THADA: variants seen among roughly 807,000 people sequenced by gnomAD.
The protein encoded by THADA is tRNA (32-2'-O)-methyltransferase regulator THADA.
THADA carries 213 observed loss-of-function variants against 219.8 expected under a neutral mutation model. The ratio of observed to expected loss-of-function variants is 0.97; its 90% CI spans 0.87 to 1.09. The LOEUF (loss-of-function observed/expected upper bound fraction) is 1.09. THADA is among the 50% of genes least tolerant of loss of function. THADA has a pLI of 0.00. For missense variants in THADA, 2,956 were observed against 2,311.3 expected (o/e 1.28, Z -5.72); for synonymous variants, 1,018 against 828.9 (o/e 1.23, Z -3.92).
At chr2:43,366,283 T>C (rs995058415) in intron 29 of THADA, among the ~76,000 whole-genome samples, 3 of 152,208 alleles carry the variant, frequency 2.0e-5, no homozygotes, top group African/African-American at 7.2e-5. Context: ...TAAAAATTAC[T>C]GTCTAATGAA....
chr2:43,272,412 G>A (rs2104274656), intron 36 of THADA, among the ~76,000 whole-genome samples: 1 of 152,328 alleles, frequency 6.6e-6, no homozygotes. Context: ...AGTCTGGGGA[G>A]AGATGGTGGT....
At chr2:43,477,270 A>T (rs889237299) in intron 26 of THADA, among the ~76,000 whole-genome samples, 1 of 152,022 alleles carries the variant, frequency 6.6e-6, no homozygotes, top group African/African-American at 2.4e-5. Context: ...GAGAGAAGGG[A>T]AGAGAGAGAA....
At chr2:43,243,497 C>T (rs6727868) in intron 36 of THADA, among the ~76,000 whole-genome samples, 34 of 152,160 alleles carry the variant, frequency 2.2e-4, no homozygotes, top group African/African-American at 7.5e-4. Flanking sequence ...CCTTCGTGAA[C>T]GTCTCTGTGA....
At chr2:43,511,970 C>T (rs1026251643) in intron 22 of THADA, among the ~76,000 whole-genome samples, 3 of 152,088 alleles carry the variant, frequency 2.0e-5, no homozygotes, top group African/African-American at 7.2e-5. Context: ...AGAGGCAATT[C>T]CCTAATTTAA....
intron 8 of THADA, among the ~76,000 whole-genome samples, chr2:43,580,207 T>A (rs1259757919): frequency 6.6e-6 from 1 of 151,630 alleles, no homozygotes; most frequent in East Asian, 2.0e-4. Flanking sequence ...TTTTTTGTAT[T>A]TTAGTTTTTT....
At chr2:43,473,085 T>G (rs187461343) in intron 26 of THADA, among the ~76,000 whole-genome samples, 2 of 152,292 alleles carry the variant, frequency 1.3e-5, no homozygotes, top group African/African-American at 2.4e-5. Flanking sequence ...CTACACTAAA[T>G]TGATTTAAAA....
chr2:43,416,847 T>A (rs1677045823), intron 28 of THADA, among the ~76,000 whole-genome samples: 1 of 152,228 alleles, frequency 6.6e-6, no homozygotes, highest in Non-Finnish European at 1.5e-5. Flanking sequence ...ACTTATCCAT[T>A]AAAGCAGTTT....
chr2:43,495,124 T>G (rs974787586), intron 25 of THADA, among the ~76,000 whole-genome samples: 2 of 152,186 alleles, frequency 1.3e-5, no homozygotes, highest in African/African-American at 4.8e-5. Context: ...TTAAAATCAC[T>G]TCAACAGAGA....
Position 43,505,751 on chromosome 2 carries a change from G to A in THADA, c.3508-16C>T, listed in dbSNP as rs763848089. The A allele has an allele frequency of 4.9e-5, 76 of 1,539,808 alleles. No homozygotes were observed. Among genetic ancestry groups the A allele is most frequent in the Non-Finnish European group, 5.5e-5 (62 of 1,131,234 alleles). On this transcript the variant is annotated splice_polypyrimidine_tract_variant and intron_variant, in intron 23 of 37. Coordinates refer to ENST00000405975, the MANE Select transcript of THADA (RefSeq NM_022065.5). ...CCAACAGTGCCTATGGAAAAAGAAT[G>A]CAAAAATTAACAGGGTTCTTAGTTT...
At chr2:43,283,574 C>T (rs1484965225) in intron 35 of THADA, among the ~76,000 whole-genome samples, 1 of 152,224 alleles carries the variant, frequency 6.6e-6, no homozygotes, top group Admixed American at 6.5e-5. Context: ...GAAGTAAGGT[C>T]ACTCTTGCTC....
intron 20 of THADA, 149 bp from the exon 21 acceptor site, chr2:43,541,465 A>C (rs1362161068): frequency 1.0e-6 from 1 of 962,672 alleles, no homozygotes; most frequent in East Asian, 2.5e-5. Flanking sequence ...AAAGAAGCTA[A>C]CATTTGTCGA....
intron 21 of THADA, among the ~76,000 whole-genome samples, chr2:43,531,967 T>C (rs978385059): frequency 6.6e-6 from 1 of 151,424 alleles, no homozygotes; most frequent in African/African-American, 2.4e-5. Flanking sequence ...CAGACAACAG[T>C]GTAGGGTTTT....
intron 17 of THADA, among the ~76,000 whole-genome samples, chr2:43,553,215 T>G (rs942234002): frequency 3.9e-5 from 6 of 152,250 alleles, no homozygotes; most frequent in Non-Finnish European, 7.3e-5. Flanking sequence ...TAAACATTCT[T>G]GTACAAGTTT....
chr2:43,353,596 T>C (rs1202719621), intron 29 of THADA, among the ~76,000 whole-genome samples: 1 of 152,194 alleles, frequency 6.6e-6, no homozygotes, highest in Non-Finnish European at 1.5e-5. Context: ...AATAACCCCT[T>C]ATCTGATACA....
chr2:43,466,287 T>G (rs1684227532), intron 26 of THADA, among the ~76,000 whole-genome samples: 1 of 152,204 alleles, frequency 6.6e-6, no homozygotes, highest in Admixed American at 6.5e-5. Context: ...AATTCTGAAT[T>G]GAAAAAACAT....
intron 9 of THADA, among the ~76,000 whole-genome samples, chr2:43,578,059 G>C (rs950216889): frequency 1.3e-5 from 2 of 151,518 alleles, no homozygotes; most frequent in African/African-American, 4.9e-5. Flanking sequence ...TGAATTTTTG[G>C]AATTGTCTCT....
intron 22 of THADA, among the ~76,000 whole-genome samples, chr2:43,514,714 AT>A (rs1353991692): frequency 2.0e-4 from 15 of 74,558 alleles, no homozygotes; most frequent in African/African-American, 9.1e-4. Flanking sequence ...ATATATATAA[AT>A]ATATATTATA....
At chr2:43,422,256 A>G (rs1677803602) in intron 28 of THADA, among the ~76,000 whole-genome samples, 1 of 152,226 alleles carries the variant, frequency 6.6e-6, no homozygotes, top group Admixed American at 6.5e-5. Flanking sequence ...GGGAGCAAAA[A>G]AGAGAAATTA....
Position 43,527,929 on chromosome 2 carries a change from T to C in THADA, c.3324A>G (p.Ala1108=), listed in dbSNP as rs761177947. ...QHLLQSRHRG[A]FELAYTGFVK... The stretch of plus-strand genomic sequence containing the variant: ...CAAAACCAGTATAAGCCAATTCAAA[T>C]GCTCCTCTGTGCCTGGACTGCAAAA... Residue 1108 remains alanine, a synonymous_variant, in exon 22 of 38, where the codon GCA becomes GCG. Transcript: ENST00000405975. 1 of 1,613,826 alleles carries C rather than the reference T, an allele frequency of 6.2e-7. No individual in the cohort carries two copies. Among genetic ancestry groups the C allele is most frequent in the Non-Finnish European group, 8.5e-7 (1 of 1,179,784 alleles).
Sources: gnomAD v4.1 joint callset for allele counts (sites outside exome capture counted in the v4.1 genomes callset) on GRCh38, gnomAD v4.1.1 for gene constraint, MANE v1.5 for transcripts, NCBI Gene and HGNC (gene_info 2026-07-23, HGNC 2026-07-21) for gene names.